The following EPHA4 variants were observed in gnomAD, a reference collection of about 807,000 sequenced individuals.
EPHA4 encodes the protein EPH receptor A4, also known as ephrin type-A receptor 4.
Under a neutral mutation model 108.3 loss-of-function variants are expected in EPHA4, and 19 were observed. The ratio of observed to expected loss-of-function variants is 0.18; its 90% CI spans 0.12 to 0.26. EPHA4 has a LOEUF of 0.26. EPHA4 is among the 10% of genes least tolerant of loss of function. EPHA4 has a pLI of 1.00. For synonymous variants in EPHA4, 449 were observed against 455.5 expected, an observed-to-expected ratio of 0.99 and a Z score of 0.18; for missense variants, 917 against 1,254.0, an observed-to-expected ratio of 0.73 and a Z score of 4.06.
intron 4 of EPHA4, among the ~76,000 whole-genome samples, chr2:221,487,054 A>G (rs963555824): frequency 1.7e-4 from 26 of 152,276 alleles, no homozygotes; most frequent in South Asian, 6.2e-4. Context: ...ATGGTTTAGA[A>G]TTACTTTGGA....
intron 3 of EPHA4, among the ~76,000 whole-genome samples, chr2:221,506,466 A>C (rs1559270984): frequency 6.6e-6 from 1 of 152,222 alleles, no homozygotes; most frequent in Non-Finnish European, 1.5e-5. Flanking sequence ...TAAGGCACAA[A>C]GGTTAAGGGT....
intron 4 of EPHA4, among the ~76,000 whole-genome samples, chr2:221,490,747 A>C (rs1226372117): frequency 6.6e-6 from 1 of 152,212 alleles, no homozygotes; most frequent in South Asian, 2.1e-4. Flanking sequence ...GGAAGAGTCA[A>C]CAGTTGGGAT....
chr2:221,550,051 G>A (rs1168471782), intron 3 of EPHA4, among the ~76,000 whole-genome samples: 2 of 152,108 alleles, frequency 1.3e-5, no homozygotes, highest in Non-Finnish European at 2.9e-5. Context: ...ATGGATGAGA[G>A]CAATGTGTCA....
chr2:221,511,155 C>T (rs995210340), intron 3 of EPHA4, among the ~76,000 whole-genome samples: 10 of 151,530 alleles, frequency 6.6e-5, no homozygotes, highest in African/African-American at 2.2e-4. Flanking sequence ...ATGTTGCTGC[C>T]AGGTTTGATA....
At chr2:221,439,629 A>G (rs923522329) in intron 11 of EPHA4, among the ~76,000 whole-genome samples, 5 of 151,904 alleles carry the variant, frequency 3.3e-5, no homozygotes, top group Non-Finnish European at 5.9e-5. Flanking sequence ...CTGGGATTCC[A>G]GGCACTAGCC....
intron 11 of EPHA4, among the ~76,000 whole-genome samples, chr2:221,441,419 G>A (rs370032508): frequency 4.6e-5 from 7 of 151,928 alleles, no homozygotes; most frequent in African/African-American, 1.7e-4. Context: ...TCAAACTCCA[G>A]GGGAAGATTA....
At chr2:221,437,849 G>C (rs998326468) in intron 11 of EPHA4, among the ~76,000 whole-genome samples, 11 of 151,952 alleles carry the variant, frequency 7.2e-5, no homozygotes, top group African/African-American at 2.7e-4. Flanking sequence ...CTTGAACTCG[G>C]GAGGCCAAGG....
At chr2:221,473,552 G>GAAAAAAAAA (rs772366510) in intron 5 of EPHA4, among the ~76,000 whole-genome samples, 1 of 109,688 alleles carries the variant, frequency 9.1e-6, no homozygotes, top group African/African-American at 3.4e-5. Flanking sequence ...GTGTTTAAAG[G>GAAAAAAAAA]AAAAAAAAAA....
rs899030579 is a variant in EPHA4 at position 221,425,265 on chromosome 2, A to T, written c.*763T>A. On this transcript the variant is annotated 3_prime_UTR_variant, in exon 17 of 18. Coordinates refer to ENST00000281821, the MANE Select transcript of EPHA4 (RefSeq NM_004438.5). ...GCGAAGTGTGAACGTTCTCTATTCC[A>T]GATTGTCACAGCCCACTATCCACAA... 3.9e-5 allele frequency: 6 copies of T among 152,616 alleles called. No homozygotes were observed. The highest frequency in any genetic ancestry group is 8.8e-5 in the Non-Finnish European group (6 of 68,040). 9.5% of individuals were successfully genotyped at this position (152,616 alleles called of 1,614,324 possible).
Position 221,430,075 on chromosome 2 carries a change from A to G in EPHA4, c.2573T>C (p.Leu858Pro). The change falls in exon 15 of 18, where the codon CTA (leucine) becomes CCA (proline). Residue 858 changes from leucine (L) to proline (P), a missense_variant. Physicochemically the swap from Leu to Pro is moderately conservative, Grantham distance 98. Transcript: ENST00000281821. ...DCPIALHQLMLDCWQKERSDR... is the reference protein window; with the variant it reads ...DCPIALHQLMPDCWQKERSDR... ...GCTCCTCTCCTTCTGCCAGCAGTCT[A>G]GCATCAGCTGGTGGAGCGCAATGGG... 6.2e-7 allele frequency: 1 copy of G among 1,613,974 alleles called. No individual in the cohort carries two copies.
At chr2:221,517,575 G>A (rs1693027435) in intron 3 of EPHA4, among the ~76,000 whole-genome samples, 1 of 152,030 alleles carries the variant, frequency 6.6e-6, no homozygotes, top group Non-Finnish European at 1.5e-5. Context: ...CGAGCCGGGA[G>A]TCGAGAGTTC....
intron 5 of EPHA4, among the ~76,000 whole-genome samples, chr2:221,462,890 C>T (rs1158744703): frequency 1.3e-5 from 2 of 152,366 alleles, no homozygotes; most frequent in African/African-American, 4.8e-5. Context: ...ACAATTTGCT[C>T]TGCATTTCTC....
At chr2:221,501,905 G>C (rs1469705521) in intron 3 of EPHA4, among the ~76,000 whole-genome samples, 1 of 152,044 alleles carries the variant, frequency 6.6e-6, no homozygotes, top group Non-Finnish European at 1.5e-5. Context: ...TTTGTTTTTT[G>C]ATCAGCGAAT....
chr2:221,499,754 A>ATTTTTTT (rs1260599474), intron 4 of EPHA4, among the ~76,000 whole-genome samples: 2 of 34,856 alleles, frequency 5.7e-5, no homozygotes, highest in Non-Finnish European at 9.2e-5. Flanking sequence ...ATATATATAT[A>ATTTTTTT]TATTTTTTTT....
At position 221,446,605 on chromosome 2, in the gene EPHA4, G is replaced by A. The variant is rs530150512; in HGVS notation, c.1716-424C>T. Among the ~76,000 whole-genome samples the A allele has an allele frequency of 3.3e-5, 5 of 152,080 alleles. No individual in the cohort carries two copies. The East Asian group carries it at 5.8e-4, about 18-fold the overall frequency. On this transcript the variant is annotated intron_variant, in intron 8 of 17. Transcript: ENST00000281821. ...ATTAAATTTCCATGAGTAATTCTGTGTAAATCAAATGGCAGTAATGTTCAG... is the reference window on the plus strand; with the variant it reads ...ATTAAATTTCCATGAGTAATTCTGTATAAATCAAATGGCAGTAATGTTCAG...
intron 4 of EPHA4, among the ~76,000 whole-genome samples, chr2:221,496,831 C>T (rs1249231226): frequency 6.6e-6 from 1 of 152,118 alleles, no homozygotes; most frequent in African/African-American, 2.4e-5. Context: ...ATCACTTGAA[C>T]CCAGGAGGCA....
chr2:221,436,479 T>A lies in EPHA4; in HGVS notation c.2266A>T (p.Ser756Cys). Residue 756 changes from serine to cysteine, a missense_variant, in exon 13 of 18, where the codon AGC (serine) becomes TGC (cysteine). Ser to Cys is a moderately radical substitution (Grantham distance 112). Coordinates refer to ENST00000281821, the MANE Select transcript of EPHA4 (RefSeq NM_004438.5). ...DLAARNILVN[S>C]NLVCKVSDFG... ...TCAGACACTTTGCAGACCAAGTTGC[T>A]GTTCACCAGGATGTTCCGTGCGGCC... 1 of 1,614,156 alleles carries A rather than the reference T, an allele frequency of 6.2e-7. No individual in the cohort carries two copies. The highest frequency in any genetic ancestry group is 8.5e-7 in the Non-Finnish European group (1 of 1,180,026).
intron 5 of EPHA4, among the ~76,000 whole-genome samples, chr2:221,478,478 A>T (rs1691725431): frequency 6.6e-6 from 1 of 152,200 alleles, no homozygotes; most frequent in South Asian, 2.1e-4. Flanking sequence ...AGGAAACTGG[A>T]ATCTCATTTT....
Position 221,442,842 on chromosome 2 carries a change from G to A in EPHA4, c.2061C>T (p.Gly687=), listed in dbSNP as rs749760114. The change falls in exon 11 of 18, where the codon GGC becomes GGT. Residue 687 remains glycine, a synonymous_variant. Coordinates refer to ENST00000281821, the MANE Select transcript of EPHA4 (RefSeq NM_004438.5). Reference sequence around the variant, plus strand: ...TGACCCACGTACATTTAGTGACCACGCCTTCCAAGTGAATGATGTTCGGAT... The same window carrying A: ...TGACCCACGTACATTTAGTGACCACACCTTCCAAGTGAATGATGTTCGGAT... ...FDHPNIIHLE[G]VVTKCKPVMI... 2.5e-6 allele frequency: 4 copies of A among 1,613,976 alleles called. No individual in the cohort carries two copies. Among genetic ancestry groups the A allele is most frequent in the African/African-American group, 2.7e-5 (2 of 74,910 alleles).
Sources: allele counts gnomAD v4.1 joint callset (sites outside exome capture counted in the v4.1 genomes callset), GRCh38; gene constraint gnomAD v4.1.1; transcripts MANE v1.5; gene names NCBI Gene and HGNC (gene_info 2026-07-23, HGNC 2026-07-21).